Variants in ZNF83 observed in about 807,000 individuals in gnomAD.
ZNF83 encodes the protein zinc finger protein 83, also known as zinc finger protein 816B.
For missense variants in ZNF83, 552 were observed against 629.9 expected (o/e 0.88, Z 1.32); for synonymous variants, 209 against 213.0 (o/e 0.98, Z 0.17).
At chr19:52,687,586 A>ATATATAATG (rs1555792720) in intron 1 of ZNF83, among the ~76,000 whole-genome samples, 1 of 39,300 alleles carries the variant, frequency 2.5e-5, no homozygotes, top group African/African-American at 2.7e-4. Context: ...TTTTATATAT[A>ATATATAATG]TATATATATA....
chr19:52,642,261 CTTTTTTTTT>C (rs869173970), upstream of ZNF83, among the ~76,000 whole-genome samples: 1 of 47,864 alleles, frequency 2.1e-5, no homozygotes, highest in East Asian at 7.5e-4. Flanking sequence ...AGTATTGTAG[CTTTTTTTTT>C]TTTTTTTTTT....
At chr19:52,663,980 G>A (rs1042371790) in intron 1 of ZNF83, among the ~76,000 whole-genome samples, 2 of 152,054 alleles carry the variant, frequency 1.3e-5, no homozygotes, top group Non-Finnish European at 2.9e-5. Context: ...TCCACCTCCC[G>A]GATTCAAGCT....
intron 3 of ZNF83, among the ~76,000 whole-genome samples, chr19:52,644,069 C>T (rs2061342223): frequency 6.6e-6 from 1 of 152,034 alleles, no homozygotes; most frequent in Non-Finnish European, 1.5e-5. Context: ...GGGTTCCCTG[C>T]CAGGGACTGA....
At chr19:52,678,593 G>A (rs2061857602) in intron 1 of ZNF83, among the ~76,000 whole-genome samples, 6 of 151,978 alleles carry the variant, frequency 3.9e-5, no homozygotes, top group Admixed American at 3.9e-4. Flanking sequence ...TGGAATAAAT[G>A]AGACATGAAA....
chr19:52,629,228 A>G (rs184439883), intron 2 of ZNF83, among the ~76,000 whole-genome samples: 3 of 152,292 alleles, frequency 2.0e-5, no homozygotes, highest in Admixed American at 2.0e-4. Context: ...CAAGATCTAA[A>G]TAATTCTTGT....
chr19:52,686,722 G>A (rs1460495127), intron 1 of ZNF83, among the ~76,000 whole-genome samples: 2 of 151,970 alleles, frequency 1.3e-5, no homozygotes, highest in Middle Eastern at 3.2e-3. Context: ...ACAGGTGCAC[G>A]CCACCATGCC....
intron 1 of ZNF83, among the ~76,000 whole-genome samples, chr19:52,680,160 C>T (rs2061884170): frequency 6.6e-6 from 1 of 152,158 alleles, no homozygotes; most frequent in African/African-American, 2.4e-5. Context: ...CCCTGGACAA[C>T]AAGAGGGAAA....
intron 1 of ZNF83, among the ~76,000 whole-genome samples, chr19:52,690,066 C>G (rs892807542): frequency 6.6e-6 from 1 of 151,862 alleles, no homozygotes; most frequent in African/African-American, 2.4e-5. Flanking sequence ...GGGGCCGCGG[C>G]GCTGCGCTTC....
chr19:52,625,169 C>T (rs2060692669), intron 2 of ZNF83, among the ~76,000 whole-genome samples: 1 of 152,092 alleles, frequency 6.6e-6, no homozygotes, highest in African/African-American at 2.4e-5. Flanking sequence ...TTGAGGCTAC[C>T]ACTCTGCCCC....
intron 1 of ZNF83, among the ~76,000 whole-genome samples, chr19:52,677,100 G>T (rs1600265594): frequency 7.6e-6 from 1 of 132,436 alleles, no homozygotes; most frequent in Non-Finnish European, 1.6e-5. Flanking sequence ...CCCCCTCTGT[G>T]AGAAACACCC....
At position 52,680,743 on chromosome 19, in the gene ZNF83, A is replaced by C. The variant is rs8102542; in HGVS notation, c.-283+9700T>G. On this transcript the variant is annotated intron_variant, in intron 1 of 5. Transcript: ENST00000594682. ...TTCTCCTGCCTCAGCCTCCCGAGTA[A>C]CTGGGACTACAGGCGCCCGCCACTA... Among the ~76,000 whole-genome samples, 14 of 133,692 alleles carry C rather than the reference A, an allele frequency of 1.0e-4. 1 individual carries two copies. Among genetic ancestry groups the C allele is most frequent in the African/African-American group, 1.6e-4 (5 of 31,064 alleles). 87.7% of individuals were successfully genotyped at this position (133,692 alleles called of 152,430 possible). A position where few individuals can be genotyped will look rare whatever the true frequency, so the allele number is the denominator to read the frequency against.
intron 1 of ZNF83, among the ~76,000 whole-genome samples, chr19:52,673,098 A>G (rs1439526821): frequency 1.3e-5 from 2 of 152,170 alleles, no homozygotes; most frequent in African/African-American, 4.8e-5. Flanking sequence ...AATCCCAGCT[A>G]CTCAGGAGAC....
chr19:52,633,672 G>C (rs1324735725), intron 2 of ZNF83, among the ~76,000 whole-genome samples: 1 of 152,234 alleles, frequency 6.6e-6, no homozygotes, highest in Non-Finnish European at 1.5e-5. Context: ...CACTTCGGGA[G>C]GCCCAAGGCA....
chr19:52,686,252 A>C (rs1473883839), intron 1 of ZNF83, among the ~76,000 whole-genome samples: 1 of 152,062 alleles, frequency 6.6e-6, no homozygotes, highest in Non-Finnish European at 1.5e-5. Flanking sequence ...CTAATTTCAA[A>C]CCGAAACTAT....
At chr19:52,677,627 A>T (rs1191879123) in intron 1 of ZNF83, among the ~76,000 whole-genome samples, 1 of 152,160 alleles carries the variant, frequency 6.6e-6, no homozygotes, top group Non-Finnish European at 1.5e-5. Flanking sequence ...TGTAGATTGC[A>T]GAATTGTGTA....
At chr19:52,632,353 G>A (rs1026724865) in intron 2 of ZNF83, among the ~76,000 whole-genome samples, 1 of 152,062 alleles carries the variant, frequency 6.6e-6, no homozygotes, top group African/African-American at 2.4e-5. Context: ...TACCACTTTC[G>A]CTTCTCAGAA....
At position 52,635,056 on chromosome 19, in the gene ZNF83, A is replaced by G. The variant is rs770016230; in HGVS notation, c.-234+10T>C. The G allele has an allele frequency of 2.0e-5, 15 of 737,628 alleles. No homozygotes were observed. The highest frequency in any genetic ancestry group is 7.3e-5 in the South Asian group (5 of 68,260). The allele number at this position is 737,628 out of a possible 1,614,324, so 45.7% of individuals were successfully genotyped here. The stretch of plus-strand genomic sequence containing the variant: ...AGAGACAGAACAATCCACCGAGAAT[A>G]TCATCTCACCTGAGGAAGAACCATT... On this transcript the variant is annotated intron_variant, in intron 2 of 2. Transcript: ENST00000301096.
chr19:52,665,591 T>A (rs905247280), intron 1 of ZNF83, among the ~76,000 whole-genome samples: 5 of 152,166 alleles, frequency 3.3e-5, no homozygotes, highest in African/African-American at 1.2e-4. Context: ...CTTAACTTCC[T>A]CATAAAGCAA....
rs569196728 is a variant in ZNF83, at chr19:52,676,564, C to T, written c.-283+13879G>A. On this transcript the variant is annotated intron_variant, in intron 1 of 5. Transcript: ENST00000594682. ...GAGGGAGGTGGGGGGCGCCTCTGCCCGGCCGCCCCTACTGGGAAGTGAGGA... is the reference window on the plus strand; with the variant it reads ...GAGGGAGGTGGGGGGCGCCTCTGCCTGGCCGCCCCTACTGGGAAGTGAGGA... 8.8e-3 allele frequency among the ~76,000 whole-genome samples: 1,330 copies of T among 151,948 alleles called. 21 individuals carry two copies. The highest frequency in any genetic ancestry group is 0.027 in the Admixed American group (413 of 15,256).
Sources: allele counts gnomAD v4.1 joint callset (sites outside exome capture counted in the v4.1 genomes callset), GRCh38; gene constraint gnomAD v4.1.1; transcripts MANE v1.5; gene names NCBI Gene and HGNC (gene_info 2026-07-23, HGNC 2026-07-21).